The following ADGRL4 variants were observed in gnomAD, a reference collection of about 807,000 sequenced individuals.
ADGRL4 encodes the protein EGF, latrophilin and seven transmembrane domain containing 1.
ADGRL4 carries 90 observed loss-of-function variants against 74.8 expected under a neutral mutation model. The observed-to-expected ratio is 1.20, with a 90% CI of 1.02 to 1.43. ADGRL4 has a LOEUF of 1.43. Among genes scored for constraint, ADGRL4 ranks in the 40% most tolerant of loss-of-function variants. The probability of loss-of-function intolerance (pLI) is 0.00; values close to 1 mark genes in which losing one functional copy is unlikely to be tolerated. For missense variants in ADGRL4, 881 were observed against 814.3 expected, an observed-to-expected ratio of 1.08 and a Z score of -1.00; for synonymous variants, 311 against 279.2, an observed-to-expected ratio of 1.11 and a Z score of -1.14.
intron 12 of ADGRL4, among the ~76,000 whole-genome samples, chr1:78,893,578 T>C (rs1300423446): frequency 6.6e-6 from 1 of 151,866 alleles, no homozygotes; most frequent in Non-Finnish European, 1.5e-5. Flanking sequence ...AAATTTAGAC[T>C]GGAAAAGAAA....
chr1:78,924,853 G>A (rs1036452609), intron 8 of ADGRL4, among the ~76,000 whole-genome samples: 1 of 152,074 alleles, frequency 6.6e-6, no homozygotes, highest in Non-Finnish European at 1.5e-5. Context: ...GAGGGAGTGT[G>A]TGTATCACAG....
chr1:78,979,359 C>T (rs1180233863), intron 2 of ADGRL4, among the ~76,000 whole-genome samples: 3 of 151,898 alleles, frequency 2.0e-5, no homozygotes, highest in Non-Finnish European at 4.4e-5. Flanking sequence ...TTCTTCTATT[C>T]GCACCCTGTA....
intron 3 of ADGRL4, among the ~76,000 whole-genome samples, chr1:78,942,086 G>A (rs189519011): frequency 6.7e-6 from 1 of 148,632 alleles, no homozygotes; most frequent in African/African-American, 2.5e-5. Context: ...TGTAGTCCCT[G>A]CTGCTCGGGA....
At chr1:78,988,780 C>T (rs918605939) in intron 2 of ADGRL4, among the ~76,000 whole-genome samples, 4 of 151,808 alleles carry the variant, frequency 2.6e-5, no homozygotes, top group Non-Finnish European at 5.9e-5. Flanking sequence ...TTACGTGAAT[C>T]ACTTGAGAGG....
intron 2 of ADGRL4, among the ~76,000 whole-genome samples, chr1:78,983,038 T>C (rs12025930): frequency 0.62 from 94,032 of 151,524 alleles, 29,129 homozygotes; most frequent in East Asian, 0.71. Flanking sequence ...GAATGTCTAA[T>C]GACATGCCTA....
At chr1:78,904,771 C>A (rs993106395) in intron 12 of ADGRL4, among the ~76,000 whole-genome samples, 4 of 151,890 alleles carry the variant, frequency 2.6e-5, no homozygotes, top group African/African-American at 4.8e-5. Context: ...ACTTTCCTTG[C>A]GTGTAAAATG....
chr1:78,937,172 T>C (rs966750557), intron 6 of ADGRL4, among the ~76,000 whole-genome samples: 1 of 152,178 alleles, frequency 6.6e-6, no homozygotes, highest in Non-Finnish European at 1.5e-5. Context: ...CGGCTGGGCA[T>C]GGTGGCTCAT....
At chr1:78,960,700 T>C (rs1649933402) in intron 2 of ADGRL4, among the ~76,000 whole-genome samples, 1 of 152,090 alleles carries the variant, frequency 6.6e-6, no homozygotes, top group African/African-American at 2.4e-5. Flanking sequence ...GGTGATGGTA[T>C]TAGGAATTAG....
Position 78,893,077 on chromosome 1 carries a change from TG to T in ADGRL4, c.1841+20del, listed in dbSNP as rs1648321776. On this transcript the variant is annotated intron_variant, in intron 13 of 14. Transcript: ENST00000370742. ...AATTACCAAAAAAAAAAAAAAAAAG[TG>T]AACTTAAAGACGCATTTACCTTATG... 1.2e-5 allele frequency: 12 copies of T among 1,030,790 alleles called. No individual in the cohort carries two copies. Among genetic ancestry groups the T allele is most frequent in the Admixed American group, 3.9e-5 (1 of 25,578 alleles). The allele number at this position is 1,030,790 out of a possible 1,614,324, so 63.9% of individuals were successfully genotyped here.
At chr1:78,948,219 G>C (rs1237289398) in intron 2 of ADGRL4, among the ~76,000 whole-genome samples, 1 of 152,128 alleles carries the variant, frequency 6.6e-6, no homozygotes, top group Non-Finnish European at 1.5e-5. Context: ...CAGAAGAGCA[G>C]AGCAGCAAGG....
chr1:78,939,145 C>G (rs954566322), intron 4 of ADGRL4, 43 bp downstream of exon 4: 36 of 1,503,276 alleles, frequency 2.4e-5, no homozygotes, highest in Non-Finnish European at 3.1e-5. Context: ...TTAATTGAAA[C>G]CAAAATGTCA....
chr1:78,974,283 G>T (rs181678562), intron 2 of ADGRL4, among the ~76,000 whole-genome samples: 1 of 152,198 alleles, frequency 6.6e-6, no homozygotes, highest in Admixed American at 6.5e-5. Context: ...GTGGATCCTG[G>T]TGAATTTTAG....
chr1:78,962,337 C>G (rs956475055), intron 2 of ADGRL4, among the ~76,000 whole-genome samples: 3 of 152,154 alleles, frequency 2.0e-5, no homozygotes, highest in Admixed American at 1.3e-4. Flanking sequence ...TATGATTTCT[C>G]TCTGCAATCT....
chr1:78,979,587 A>T (rs1333162082), intron 2 of ADGRL4, among the ~76,000 whole-genome samples: 1 of 151,992 alleles, frequency 6.6e-6, no homozygotes, highest in Non-Finnish European at 1.5e-5. Context: ...TATGAAAAAG[A>T]CACACGCACA....
chr1:79,001,951 AT>A (rs575707773), intron 2 of ADGRL4, among the ~76,000 whole-genome samples: 5 of 152,206 alleles, frequency 3.3e-5, no homozygotes, highest in Middle Eastern at 3.4e-3. Context: ...ATTTAAAAAA[AT>A]GTTTGCATTA....
rs964540772 is a variant in ADGRL4 at position 78,946,447 on chromosome 1, A to C, written c.173-21T>G. The C allele has an allele frequency of 6.3e-7, 1 of 1,575,600 alleles. No individual in the cohort carries two copies. The highest frequency in any genetic ancestry group is 8.6e-7 in the Non-Finnish European group (1 of 1,159,706). Reference sequence around the variant, plus strand: ...ATCATCTGTTGGCATATGAATTTAAAAGATTATTTTTATATAATTGACATA... The same window carrying C: ...ATCATCTGTTGGCATATGAATTTAACAGATTATTTTTATATAATTGACATA... On this transcript the variant is annotated intron_variant, in intron 2 of 14. Transcript: ENST00000370742.
chr1:78,929,275 G>A (rs34763897), intron 7 of ADGRL4, among the ~76,000 whole-genome samples: 13,761 of 151,308 alleles, frequency 0.091, 1,033 homozygotes, highest in East Asian at 0.33. Flanking sequence ...CAACACTTTG[G>A]GAGGCTGAGG....
intron 1 of ADGRL4, 136 bp from the exon 2 acceptor site, chr1:79,005,355 A>G (rs1231473136): frequency 4.4e-6 from 3 of 680,480 alleles, no homozygotes; most frequent in Non-Finnish European, 4.4e-6. Flanking sequence ...TTCCCAAGAG[A>G]GCACTTAGCT....
intron 7 of ADGRL4, among the ~76,000 whole-genome samples, chr1:78,930,708 C>A (rs1649222940): frequency 6.6e-6 from 1 of 151,152 alleles, no homozygotes. Flanking sequence ...TTTGGACTCA[C>A]AAAGTGTTGG....
Sources: gnomAD v4.1 joint callset for allele counts (sites outside exome capture counted in the v4.1 genomes callset) on GRCh38, gnomAD v4.1.1 for gene constraint, MANE v1.5 for transcripts, NCBI Gene and HGNC (gene_info 2026-07-23, HGNC 2026-07-21) for gene names.